Variants in CAPN15 observed in about 807,000 individuals in gnomAD.
CAPN15 encodes calpain 15.
In CAPN15, 53 loss-of-function variants were observed where a neutral mutation model predicts 97.9. That is an observed-to-expected ratio of 0.54 (90% CI 0.43 to 0.68). CAPN15 has a LOEUF of 0.68. CAPN15 is among the 30% of genes least tolerant of loss of function. The pLI, the probability that CAPN15 is intolerant of heterozygous loss-of-function variation, is 0.00. For synonymous variants in CAPN15, 922 were observed against 722.5 expected, an observed-to-expected ratio of 1.28 and a Z score of -4.43; for missense variants, 1,592 against 1,589.8, an observed-to-expected ratio of 1.00 and a Z score of -0.02.
At position 552,413 on chromosome 16, in the gene CAPN15, C is replaced by T. The variant is rs756826201; in HGVS notation, c.2620C>T (p.Arg874Cys). The T allele has an allele frequency of 8.7e-6, 14 of 1,609,320 alleles. No homozygotes were observed. The highest frequency in any genetic ancestry group is 1.1e-5 in the Non-Finnish European group (13 of 1,179,528). The change falls in exon 11 of 14, where the codon CGC becomes TGC. Residue 874 changes from arginine to cysteine, a missense_variant. By Grantham distance (180) the Arg-to-Cys change is radical. Transcript: ENST00000219611. This position sits in a 1 kb window ranked among gnomAD's most constrained non-coding sequence, Gnocchi z 6.4. The stretch of plus-strand genomic sequence containing the variant: ...GGGCCGCCTCCTGGCCCACAGTAAG[C>T]GCGCGGTCAAGAAGTTCGTCAGCTG... ...SLGRLLAHSKRAVKKFVSCDV... is the reference protein window; with the variant it reads ...SLGRLLAHSKCAVKKFVSCDV...
rs747128542 is a variant in CAPN15, at chr16:551,336, A to G, written c.2101A>G (p.Met701Val). ...LMGASCGGGNMKVDDSAYESL... is the reference protein window; with the variant it reads ...LMGASCGGGNVKVDDSAYESL... ...GGGTGCCTCCTGTGGCGGGGGCAACATGAAGGTGGACGATTCGGCCTACGA... is the reference window on the plus strand; with the variant it reads ...GGGTGCCTCCTGTGGCGGGGGCAACGTGAAGGTGGACGATTCGGCCTACGA... Residue 701 changes from methionine to valine, a missense_variant, in exon 8 of 14, where the codon ATG becomes GTG. Met to Val is a conservative substitution (Grantham distance 21). Transcript: ENST00000219611. 6.2e-7 allele frequency: 1 copy of G among 1,606,736 alleles called. No individual in the cohort carries two copies. The highest frequency in any genetic ancestry group is 8.5e-7 in the Non-Finnish European group (1 of 1,177,174).
chr16:552,300 G>C lies in CAPN15; in HGVS notation c.2508-1G>C, dbSNP rs1213845391. 6.4e-7 allele frequency: 1 copy of C among 1,551,642 alleles called. No individual in the cohort carries two copies. On this transcript the variant is annotated splice_acceptor_variant, in intron 10 of 13. Transcript: ENST00000219611. LOFTEE classifies it high-confidence loss of function. This position sits in a 1 kb window ranked among gnomAD's most constrained non-coding sequence, Gnocchi z 6.4. Reference sequence around the variant, plus strand: ...ACCCTGGCCCGTGGTGTCTGGCGCAGGCGCTCGGACGCCGTGGACAGCCAC... The same window carrying C: ...ACCCTGGCCCGTGGTGTCTGGCGCACGCGCTCGGACGCCGTGGACAGCCAC...
Position 553,669 on chromosome 16 carries a change from C to A in CAPN15, c.*153C>A. 1.8e-6 allele frequency: 1 copy of A among 542,070 alleles called. No individual in the cohort carries two copies. The highest frequency in any genetic ancestry group is 3.2e-6 in the Non-Finnish European group (1 of 315,240). The allele number at this position is 542,070 out of a possible 1,614,324, so 33.6% of individuals were successfully genotyped here. A position where few individuals can be genotyped will look rare whatever the true frequency, so the allele number is the denominator to read the frequency against. On this transcript the variant is annotated 3_prime_UTR_variant, in exon 14 of 14. Coordinates refer to ENST00000219611, the MANE Select transcript of CAPN15 (RefSeq NM_005632.3). ...CAGGGCTCAGCTTCCCATGGGCCCC[C>A]CGCCCCCCTCCTTCCCCTCCCTGAA...
intron 1 of CAPN15, among the ~76,000 whole-genome samples, chr16:532,216 G>A (rs1407353951): frequency 6.7e-6 from 1 of 150,314 alleles, no homozygotes; most frequent in African/African-American, 2.5e-5. Context: ...CTCCAGCCTA[G>A]GCGACAGAGC....
rs1189841860 is a variant in CAPN15, at chr16:547,887, C to T, written c.1049C>T (p.Thr350Met). Residue 350 changes from threonine to methionine, a missense_variant, in exon 4 of 14, where the codon ACG becomes ATG. Thr to Met is a moderately conservative substitution (Grantham distance 81). Around this residue, in one of 3 missense-constraint regions of CAPN15, gnomAD observed 883 missense variants for 776.6 expected, o/e 1.14. Coordinates refer to ENST00000219611, the MANE Select transcript of CAPN15 (RefSeq NM_005632.3). ...DFTTWSCAKC[T>M]LRNPTVAPRC... The stretch of plus-strand genomic sequence containing the variant: ...ACCACCTGGTCATGTGCCAAGTGCA[C>T]GCTCAGAAACCCCACAGTGGCCCCC... 8 of 1,611,270 alleles carry T rather than the reference C, an allele frequency of 5.0e-6. No homozygotes were observed. Among genetic ancestry groups the T allele is most frequent in the African/African-American group, 2.7e-5 (2 of 75,024 alleles).
chr16:534,345 G>A (rs1002495100), intron 2 of CAPN15, among the ~76,000 whole-genome samples: 3 of 142,378 alleles, frequency 2.1e-5, no homozygotes, highest in African/African-American at 8.1e-5. Flanking sequence ...CCTGTGCACG[G>A]CCCCCACCGC....
chr16:528,630 G>A lies in CAPN15; in HGVS notation c.-190+601G>A, dbSNP rs529743341. ...CTGCAGAAGGGGCCCCTCTAGTCCT[G>A]ACCGGGGGAACTCTTGTGTGGTCAG... is the stretch of plus-strand genomic sequence containing the variant. On this transcript the variant is annotated intron_variant, in intron 1 of 13. Coordinates refer to ENST00000219611, the MANE Select transcript of CAPN15 (RefSeq NM_005632.3). 4 of 723,944 alleles carry A rather than the reference G, an allele frequency of 5.5e-6. No homozygotes were observed. The African/African-American group carries it at 7.7e-5, about 14-fold the overall frequency. The allele number at this position is 723,944 out of a possible 1,614,324, so 44.8% of individuals were successfully genotyped here.
chr16:546,697 A>C (rs1596345780), intron 3 of CAPN15, 120 bp from the exon 4 acceptor site: 5 of 1,318,770 alleles, frequency 3.8e-6, no homozygotes, highest in South Asian at 3.1e-5. Flanking sequence ...GCTCAGCCCT[A>C]GGCCCTCGGC....
rs78996094 is a variant in CAPN15, at chr16:546,070, G to A, written c.-22-747G>A. ...GCTCCAGCTGGACGCCCTGAGCCTCGCCGGGCCCAGTCCACCCCCGTCCAC... is the reference window on the plus strand; with the variant it reads ...GCTCCAGCTGGACGCCCTGAGCCTCACCGGGCCCAGTCCACCCCCGTCCAC... On this transcript the variant is annotated intron_variant, in intron 3 of 13. Coordinates refer to ENST00000219611, the MANE Select transcript of CAPN15 (RefSeq NM_005632.3). Among the ~76,000 whole-genome samples, 304 of 152,282 alleles carry A rather than the reference G, an allele frequency of 2.0e-3. 4 individuals carry two copies. The East Asian group carries it at 0.036, about 18-fold the overall frequency.
At chr16:532,071 C>T in intron 1 of CAPN15, among the ~76,000 whole-genome samples, 1 of 151,870 alleles carries the variant, frequency 6.6e-6, no homozygotes, top group East Asian at 1.9e-4. Flanking sequence ...GAAACCCCAT[C>T]TCTACTAAAA....
rs2035145896 is a variant in CAPN15 at position 552,292 on chromosome 16, C to T, written c.2508-9C>T. 3 of 1,546,556 alleles carry T rather than the reference C, an allele frequency of 1.9e-6. No individual in the cohort carries two copies. The highest frequency in any genetic ancestry group is 1.9e-5 in the Admixed American group (1 of 51,612). On this transcript the variant is annotated splice_polypyrimidine_tract_variant and intron_variant, in intron 10 of 13. Coordinates refer to ENST00000219611, the MANE Select transcript of CAPN15 (RefSeq NM_005632.3). This position sits in a 1 kb window ranked among gnomAD's most constrained non-coding sequence, Gnocchi z 6.4. Reference sequence around the variant, plus strand: ...CACGCGTGACCCTGGCCCGTGGTGTCTGGCGCAGGCGCTCGGACGCCGTGG... The same window carrying T: ...CACGCGTGACCCTGGCCCGTGGTGTTTGGCGCAGGCGCTCGGACGCCGTGG...
intron 3 of CAPN15, among the ~76,000 whole-genome samples, chr16:544,174 A>G (rs1036601229): frequency 6.6e-6 from 1 of 152,114 alleles, no homozygotes; most frequent in Non-Finnish European, 1.5e-5. Flanking sequence ...GCCCAGCTCG[A>G]GGGAGGCACC....
In CAPN15 at chr16:549,757, A is replaced by G. The variant is rs2034857574; in HGVS notation, c.1985A>G (p.Gln662Arg). 2 of 1,591,340 alleles carry G rather than the reference A, an allele frequency of 1.3e-6. No homozygotes were observed. The highest frequency in any genetic ancestry group is 4.6e-5 in the East Asian group (2 of 43,322). The change falls in exon 7 of 14, where the codon CAG becomes CGG. Residue 662 changes from glutamine (Q) to arginine (R), a missense_variant. Physicochemically the swap from Gln to Arg is conservative, Grantham distance 43. Transcript: ENST00000219611. ...TGAPCESLAL[Q>R]LSSTNPREEP... ...GCCCCCTGTGAGAGCCTGGCGCTGC[A>G]GCTCAGCTCCACTAACCCCCGCGAG...
chr16:543,157 C>T (rs2142009062), intron 3 of CAPN15: 1 of 153,610 alleles, frequency 6.5e-6, no homozygotes, highest in Non-Finnish European at 1.5e-5. Flanking sequence ...TAGACGGTGT[C>T]TCAAAAAACT....
At chr16:543,575 C>T (rs1334482275) in intron 3 of CAPN15, among the ~76,000 whole-genome samples, 1 of 152,152 alleles carries the variant, frequency 6.6e-6, no homozygotes, top group African/African-American at 2.4e-5. Context: ...CCTGCCCGTG[C>T]CCGCTGCTGT....
At chr16:537,128 C>T in intron 3 of CAPN15, 1 of 985,476 alleles carries the variant, frequency 1.0e-6, no homozygotes, top group Non-Finnish European at 1.2e-6. Flanking sequence ...TTGCTTTTCT[C>T]TGCAGGGTCC....
In CAPN15 at chr16:548,266, C is replaced by A; in HGVS notation, c.1428C>A (p.Asn476Lys). The change falls in exon 4 of 14, where the codon AAC becomes AAA. Residue 476 changes from asparagine to lysine, a missense_variant. By Grantham distance (94) the Asn-to-Lys change is moderately conservative. Coordinates refer to ENST00000219611, the MANE Select transcript of CAPN15 (RefSeq NM_005632.3). ...DEGEAKALWE[N>K]IVAFCRENNV... Reference sequence around the variant, plus strand: ...GCGAGGCCAAGGCACTCTGGGAGAACATCGTGGCCTTCTGCCGGGAGGTGA... The same window carrying A: ...GCGAGGCCAAGGCACTCTGGGAGAAAATCGTGGCCTTCTGCCGGGAGGTGA... 6.6e-7 allele frequency: 1 copy of A among 1,525,710 alleles called. No individual in the cohort carries two copies. Among genetic ancestry groups the A allele is most frequent in the Non-Finnish European group, 8.8e-7 (1 of 1,138,418 alleles). 94.5% of individuals were successfully genotyped at this position (1,525,710 alleles called of 1,614,324 possible).
rs370652813 is a variant in CAPN15, at chr16:552,232, A to C, written c.2507+20A>C. The C allele has an allele frequency of 1.5e-5, 23 of 1,532,220 alleles. No homozygotes were observed. The highest frequency in any genetic ancestry group is 2.0e-5 in the Non-Finnish European group (23 of 1,137,856). The allele number at this position is 1,532,220 out of a possible 1,614,324, so 94.9% of individuals were successfully genotyped here. ...CAGCAGGTGGGTGCTGCGGGGCCCC[A>C]TCGGGCTGGGCTGGGCTAGGCTGGC... On this transcript the variant is annotated intron_variant, in intron 10 of 13. Transcript: ENST00000219611. The surrounding 1 kb of genome is among the most constrained non-coding windows in gnomAD (Gnocchi z 6.4).
chr16:552,765 G>A lies in CAPN15; in HGVS notation c.2898G>A (p.Arg966=). 6.5e-7 allele frequency: 1 copy of A among 1,530,104 alleles called. No individual in the cohort carries two copies. Among genetic ancestry groups the A allele is most frequent in the Non-Finnish European group, 8.8e-7 (1 of 1,136,396 alleles). The allele number at this position is 1,530,104 out of a possible 1,614,324, so 94.8% of individuals were successfully genotyped here. The change falls in exon 12 of 14, where the codon CGG becomes CGA. Residue 966 remains arginine (R), a synonymous_variant. Coordinates refer to ENST00000219611, the MANE Select transcript of CAPN15 (RefSeq NM_005632.3). The surrounding 1 kb of genome is among the most constrained non-coding windows in gnomAD (Gnocchi z 6.4). ...IILLTESRGE[R]HEGREGMTCY... is the part of the protein sequence containing the mutation. ...TGCTCACCGAGAGCCGCGGAGAGCGGCACGAGGTGGGTGGGGGTCCCGGGG... is the reference window on the plus strand; with the variant it reads ...TGCTCACCGAGAGCCGCGGAGAGCGACACGAGGTGGGTGGGGGTCCCGGGG...
Sources: allele counts gnomAD v4.1 joint callset (sites outside exome capture counted in the v4.1 genomes callset), GRCh38; gene constraint gnomAD v4.1.1; regional missense constraint gnomAD v4.1.1; non-coding constraint Gnocchi (gnomAD v3.1); transcripts MANE v1.5; gene names NCBI Gene and HGNC (gene_info 2026-07-23, HGNC 2026-07-21).